PRKN: variants seen among roughly 807,000 people sequenced by gnomAD.
PRKN encodes E3 ubiquitin-protein ligase parkin.
Under a neutral mutation model 59.5 loss-of-function variants are expected in PRKN, and 56 were observed. The observed-to-expected ratio is 0.94, with a 90% CI of 0.76 to 1.18. PRKN has a LOEUF of 1.18. Ranked by LOEUF, PRKN falls within the 50% of genes most tolerant of loss-of-function variation. The probability of loss-of-function intolerance (pLI) is 0.00; values close to 1 mark genes in which losing one functional copy is unlikely to be tolerated. For synonymous variants in PRKN, 250 were observed against 222.1 expected (o/e 1.13, Z -1.12); for missense variants, 657 against 596.4 (o/e 1.10, Z -1.06).
intron 8 of PRKN, among the ~76,000 whole-genome samples, chr6:161,564,558 C>A (rs1780568722): frequency 6.6e-6 from 1 of 152,166 alleles, no homozygotes. Flanking sequence ...GCCTGCAGCA[C>A]CCTCAAATGT....
intron 1 of PRKN, among the ~76,000 whole-genome samples, chr6:162,639,261 A>G (rs1189886986): frequency 6.6e-6 from 1 of 152,044 alleles, no homozygotes; most frequent in Non-Finnish European, 1.5e-5. Flanking sequence ...AGGCCTGTTA[A>G]AGTACGAGTT....
intron 2 of PRKN, among the ~76,000 whole-genome samples, chr6:162,392,036 A>AT (rs34291306): frequency 4.2e-4 from 64 of 151,042 alleles, no homozygotes; most frequent in South Asian, 1.0e-3. Context: ...CCATTTCATG[A>AT]TTTTTTTTTC....
intron 2 of PRKN, among the ~76,000 whole-genome samples, chr6:162,339,667 G>T (rs1224619237): frequency 1.3e-5 from 2 of 152,160 alleles, no homozygotes; most frequent in African/African-American, 4.8e-5. Context: ...AATGGGCCAT[G>T]ATGACAATGG....
chr6:161,427,981 T>C (rs1788464055), intron 9 of PRKN, among the ~76,000 whole-genome samples: 1 of 152,114 alleles, frequency 6.6e-6, no homozygotes, highest in South Asian at 2.1e-4. Flanking sequence ...GGTGCGGGGA[T>C]GGGCTCAGAG....
chr6:162,327,205 C>T (rs1783330269), intron 2 of PRKN, among the ~76,000 whole-genome samples: 1 of 152,070 alleles, frequency 6.6e-6, no homozygotes, highest in African/African-American at 2.4e-5. Context: ...GAATATTGAT[C>T]AGGAGAGAAA....
intron 3 of PRKN, among the ~76,000 whole-genome samples, chr6:162,217,529 C>T (rs1340406833): frequency 6.6e-6 from 1 of 152,040 alleles, no homozygotes; most frequent in African/African-American, 2.4e-5. Context: ...GGATTACAGG[C>T]GTGTGCCACC....
chr6:162,665,810 A>G (rs1779078684), intron 1 of PRKN, among the ~76,000 whole-genome samples: 1 of 152,194 alleles, frequency 6.6e-6, no homozygotes, highest in Non-Finnish European at 1.5e-5. Context: ...CCAAAACAGC[A>G]CGGTACTGGT....
At chr6:162,097,219 T>A (rs945923712) in intron 4 of PRKN, among the ~76,000 whole-genome samples, 3 of 152,226 alleles carry the variant, frequency 2.0e-5, no homozygotes, top group Non-Finnish European at 4.4e-5. Flanking sequence ...TAGTATGATT[T>A]TTTTTAGGAA....
intron 4 of PRKN, among the ~76,000 whole-genome samples, chr6:162,113,880 T>G (rs1343304563): frequency 6.6e-6 from 1 of 152,098 alleles, no homozygotes; most frequent in Non-Finnish European, 1.5e-5. Context: ...CCATCTTGAA[T>G]TGATTTTTGT....
chr6:162,597,553 A>AATTTT lies in PRKN; in HGVS notation c.7+130104_7+130108dup, dbSNP rs375643386. ...TCTTATTATGTGTCTATATTGTATG[A>AATTTT]ATTTTGCTTGTAATACAGTAAATAC... On this transcript the variant is annotated intron_variant, in intron 1 of 11. Transcript: ENST00000366898. Among the ~76,000 whole-genome samples, 6 of 152,288 alleles carry AATTTT rather than the reference A, an allele frequency of 3.9e-5. No individual in the cohort carries two copies. In the East Asian group the frequency reaches 1.2e-3, roughly 29 times the overall value.
chr6:162,091,771 TC>T (rs1393343268), intron 4 of PRKN, among the ~76,000 whole-genome samples: 1 of 152,208 alleles, frequency 6.6e-6, no homozygotes, highest in Non-Finnish European at 1.5e-5. Context: ...ATGCCGTGAC[TC>T]AATCCTGTAA....
chr6:161,630,252 C>T lies in PRKN; in HGVS notation c.872-60836G>A, dbSNP rs74506073. On this transcript the variant is annotated intron_variant, in intron 7 of 11. Coordinates refer to ENST00000366898, the MANE Select transcript of PRKN (RefSeq NM_004562.3). ...AAGGTCTGACAACACCTACCATCTA[C>T]CCAAGGAACTGCCGAGCACCCACCA... Among the ~76,000 whole-genome samples the T allele has an allele frequency of 1.3e-3, 191 of 152,196 alleles. 1 individual carries two copies. The highest frequency in any genetic ancestry group is 2.1e-3 in the Non-Finnish European group (140 of 68,020).
intron 1 of PRKN, among the ~76,000 whole-genome samples, chr6:162,488,177 G>A (rs1010486012): frequency 1.3e-5 from 2 of 151,900 alleles, no homozygotes; most frequent in African/African-American, 2.4e-5. Flanking sequence ...TCTATAGAAG[G>A]AAGAATTCCT....
At position 162,485,634 on chromosome 6, in the gene PRKN, C is replaced by T. The variant is rs143543998; in HGVS notation, c.8-42161G>A. On this transcript the variant is annotated intron_variant, in intron 1 of 11. Transcript: ENST00000366898. ...AGTAGCAGGGTACTGGGATGCCACA[C>T]GTGGTTTAACTCACCAAGGAGACAG... 8.3e-4 allele frequency among the ~76,000 whole-genome samples: 126 copies of T among 152,310 alleles called. 1 individual carries two copies. The South Asian group carries it at 0.013, about 15-fold the overall frequency.
intron 2 of PRKN, among the ~76,000 whole-genome samples, chr6:162,320,352 T>C (rs374206551): frequency 4.1e-4 from 1 of 2,442 alleles, no homozygotes; most frequent in Non-Finnish European, 8.8e-4. Context: ...GTAATAGAAA[T>C]ACAAAAAGCC....
chr6:161,866,379 T>G (rs1344256960), intron 6 of PRKN, among the ~76,000 whole-genome samples: 2 of 151,962 alleles, frequency 1.3e-5, no homozygotes, highest in African/African-American at 4.8e-5. Context: ...ATTGAGACCA[T>G]CCTGGCCAAC....
intron 6 of PRKN, among the ~76,000 whole-genome samples, chr6:161,895,545 AGGAG>A (rs1777586049): frequency 2.9e-5 from 3 of 103,370 alleles, no homozygotes; most frequent in East Asian, 3.6e-4. Context: ...TCTGAGATTC[AGGAG>A]CACGCCCACC....
Position 161,582,466 on chromosome 6 carries a change from G to A in PRKN, c.872-13050C>T, listed in dbSNP as rs556368877. Among the ~76,000 whole-genome samples the A allele has an allele frequency of 2.6e-5, 4 of 151,324 alleles. No individual in the cohort carries two copies. Among genetic ancestry groups the A allele is most frequent in the East Asian group, 2.0e-4 (1 of 5,116 alleles). On this transcript the variant is annotated intron_variant, in intron 7 of 11. Transcript: ENST00000366898. The surrounding 1 kb of genome is among the most constrained non-coding windows in gnomAD (Gnocchi z 4.4). ...TTTTGAGACAGAGTCTCGCTCTGTC[G>A]CCTAGGCTGGAGTGCAGTGGCGCGA...
intron 1 of PRKN, among the ~76,000 whole-genome samples, chr6:162,539,747 T>C (rs1490848071): frequency 6.6e-6 from 1 of 152,170 alleles, no homozygotes; most frequent in Non-Finnish European, 1.5e-5. Context: ...TGACACTGAA[T>C]TTTGCAGCTA....
Sources: gnomAD v4.1 joint callset for allele counts (sites outside exome capture counted in the v4.1 genomes callset) on GRCh38, gnomAD v4.1.1 for gene constraint, Gnocchi (gnomAD v3.1) non-coding constraint, MANE v1.5 for transcripts, NCBI Gene and HGNC (gene_info 2026-07-23, HGNC 2026-07-21) for gene names.